Variants in ANO5 observed in about 807,000 individuals in gnomAD.
ANO5 encodes anoctamin-5.
ANO5 carries 109 observed loss-of-function variants against 121.0 expected under a neutral mutation model. That is an observed-to-expected ratio of 0.90 (90% CI 0.77 to 1.06). The LOEUF is 1.06. Among genes scored for constraint, ANO5 ranks in the 50% least tolerant of loss-of-function variants. The pLI is 0.00. For missense variants in ANO5, 1,064 were observed against 1,078.5 expected (o/e 0.99, Z 0.19); for synonymous variants, 406 against 359.9 (o/e 1.13, Z -1.45).
At chr11:22,219,800 G>A (rs1328314440) in intron 4 of ANO5, among the ~76,000 whole-genome samples, 1 of 151,546 alleles carries the variant, frequency 6.6e-6, no homozygotes, top group Middle Eastern at 3.2e-3. Flanking sequence ...GGAAATAGGA[G>A]ATGATTATGC....
In ANO5 at chr11:22,193,529, G is replaced by A; in HGVS notation, c.37G>A (p.Glu13Lys). The A allele has an allele frequency of 6.2e-7, 1 of 1,612,904 alleles. No individual in the cohort carries two copies. Among genetic ancestry groups the A allele is most frequent in the Admixed American group, 1.7e-5 (1 of 59,942 alleles). Reference sequence around the variant, plus strand: ...GGATCTCCTGGAAGTGTTGGCGGAGGAAGGTAGGACCGCGCCAAGAGGCGT... The same window carrying A: ...GGATCTCCTGGAAGTGTTGGCGGAGAAAGGTAGGACCGCGCCAAGAGGCGT... ...DPDLLEVLAE[E>K]GEKVNKHIDY... The change falls in exon 1 of 22, where the codon GAA (glutamate) becomes AAA (lysine). Residue 13 changes from glutamate to lysine, a missense_variant. By Grantham distance (56) the Glu-to-Lys change is moderately conservative (BLOSUM62 1). Coordinates refer to ENST00000324559, the MANE Select transcript of ANO5 (RefSeq NM_213599.3).
At chr11:22,199,425 T>C (rs1057186323) in intron 1 of ANO5, among the ~76,000 whole-genome samples, 3 of 152,112 alleles carry the variant, frequency 2.0e-5, no homozygotes, top group Non-Finnish European at 4.4e-5. Flanking sequence ...AGTACATTAC[T>C]ACACCATATA....
chr11:22,202,446 T>C (rs1851992756), intron 1 of ANO5, among the ~76,000 whole-genome samples: 2 of 91,050 alleles, frequency 2.2e-5, no homozygotes, highest in African/African-American at 7.4e-5. Context: ...GCTATACAAA[T>C]GGTAGATTTT....
chr11:22,204,989 A>G (rs1225989717), intron 2 of ANO5, among the ~76,000 whole-genome samples: 1 of 152,166 alleles, frequency 6.6e-6, no homozygotes, highest in South Asian at 2.1e-4. Flanking sequence ...AATGTGATAC[A>G]TATATATCAT....
In ANO5 at chr11:22,239,754, AT is replaced by A. The variant is rs539951202; in HGVS notation, c.878+78del. ...TGATTTTTATTCACAATGGCATAAT[AT>A]TTTTTTTACTACTATTTTCTCCCAC... On this transcript the variant is annotated intron_variant, in intron 9 of 21. Transcript: ENST00000324559. 5.8e-4 allele frequency: 727 copies of A among 1,250,824 alleles called. 6 individuals carry two copies. The highest frequency in any genetic ancestry group is 4.6e-3 in the South Asian group (381 of 82,444). The allele number at this position is 1,250,824 out of a possible 1,614,324, so 77.5% of individuals were successfully genotyped here. A position where few individuals can be genotyped will look rare whatever the true frequency, so the allele number is the denominator to read the frequency against.
rs1238497571 is a variant in ANO5 at position 22,259,721 on chromosome 11, C to G, written c.1610C>G (p.Ser537Cys). 6.2e-7 allele frequency: 1 copy of G among 1,613,290 alleles called. No homozygotes were observed. Residue 537 changes from serine to cysteine, a missense_variant, in exon 15 of 22, where the codon TCT becomes TGT. Transcript: ENST00000324559. ...TTGAATTTCTTTTATGAAAAGATAT[C>G]TGCCTGGATCACAAAAATGGGTAAG... is the stretch of plus-strand genomic sequence containing the variant. ...LILNFFYEKI[S>C]AWITKMEIPR...
rs1354833191 is a variant in ANO5 at position 22,279,912 on chromosome 11, T to G, written c.*147T>G. On this transcript the variant is annotated 3_prime_UTR_variant, in exon 22 of 22. Coordinates refer to ENST00000324559, the MANE Select transcript of ANO5 (RefSeq NM_213599.3). Reference sequence around the variant, plus strand: ...TTTTAAACTCAAAGTTTTTATACACTTTTATAGAGGCCAACTTTGTGATGT... The same window carrying G: ...TTTTAAACTCAAAGTTTTTATACACGTTTATAGAGGCCAACTTTGTGATGT... The G allele has an allele frequency of 4.3e-6, 3 of 701,118 alleles. No individual in the cohort carries two copies. Among genetic ancestry groups the G allele is most frequent in the African/African-American group, 3.6e-5 (2 of 55,258 alleles). The allele number at this position is 701,118 out of a possible 1,614,324, so 43.4% of individuals were successfully genotyped here. A position where few individuals can be genotyped will look rare whatever the true frequency, so the allele number is the denominator to read the frequency against.
intron 1 of ANO5, among the ~76,000 whole-genome samples, chr11:22,195,519 C>A (rs1408457676): frequency 6.6e-6 from 1 of 152,078 alleles, no homozygotes; most frequent in Non-Finnish European, 1.5e-5. Flanking sequence ...ACCTCTGACT[C>A]CCAGGCTCAA....
chr11:22,227,411 T>C lies in ANO5; in HGVS notation c.473T>C (p.Ile158Thr). 6.2e-7 allele frequency: 1 copy of C among 1,613,576 alleles called. No individual in the cohort carries two copies. Among genetic ancestry groups the C allele is most frequent in the Middle Eastern group, 1.7e-4 (1 of 6,056 alleles). ...GIKMPIKESDIPRPKHTPISY... is the reference protein window; with the variant it reads ...GIKMPIKESDTPRPKHTPISY... ...AAAATGCCTATTAAGGAGAGTGATA[T>C]TCCCCGCCCTAAGCACACTCCTATA... is the stretch of plus-strand genomic sequence containing the variant. Residue 158 changes from isoleucine (I) to threonine (T), a missense_variant, in exon 7 of 22, where the codon ATT becomes ACT. Ile to Thr is a moderately conservative substitution (Grantham distance 89). Coordinates refer to ENST00000324559, the MANE Select transcript of ANO5 (RefSeq NM_213599.3).
rs1359948928 is a variant in ANO5, at chr11:22,262,117, T to A, written c.1631-12T>A. On this transcript the variant is annotated splice_polypyrimidine_tract_variant and intron_variant, in intron 15 of 21. Transcript: ENST00000324559. ...AAGAAGATGCACTAAACATTTTTTT[T>A]TAACTTAACAGAAATTCCTCGAACA... 5.0e-6 allele frequency: 8 copies of A among 1,613,104 alleles called. No individual in the cohort carries two copies. In the South Asian group the frequency reaches 8.8e-5, roughly 18 times the overall value.
rs777622798 is a variant in ANO5, at chr11:22,279,772, T to C, written c.*7T>C. ...GGCTAAATCAACACTCTAATCAGTA[T>C]AGTGAGGAAGCAGCAGGTGATCTGC... On this transcript the variant is annotated 3_prime_UTR_variant, in exon 22 of 22. Coordinates refer to ENST00000324559, the MANE Select transcript of ANO5 (RefSeq NM_213599.3). 2 of 1,608,030 alleles carry C rather than the reference T, an allele frequency of 1.2e-6. No homozygotes were observed. The highest frequency in any genetic ancestry group is 1.1e-5 in the South Asian group (1 of 90,894).
intron 17 of ANO5, among the ~76,000 whole-genome samples, chr11:22,264,679 AC>A (rs1243280101): frequency 6.6e-6 from 1 of 152,174 alleles, no homozygotes; most frequent in Non-Finnish European, 1.5e-5. Flanking sequence ...GACAATACTA[AC>A]AACATAAGGA....
chr11:22,199,279 A>T (rs1851895511), intron 1 of ANO5, among the ~76,000 whole-genome samples: 1 of 152,194 alleles, frequency 6.6e-6, no homozygotes, highest in Non-Finnish European at 1.5e-5. Context: ...CTTACCTCCT[A>T]TATGCCAAGT....
chr11:22,227,682 A>G, intron 7 of ANO5, 96 bp downstream of exon 7: 1 of 1,473,728 alleles, frequency 6.8e-7, no homozygotes, highest in Non-Finnish European at 9.4e-7. Flanking sequence ...CATTTCTGCA[A>G]GGTGCTTCTG....
At chr11:22,204,916 A>G (rs1040463858) in intron 2 of ANO5, among the ~76,000 whole-genome samples, 54 of 152,162 alleles carry the variant, frequency 3.5e-4, no homozygotes, top group African/African-American at 1.1e-3. Flanking sequence ...TTGTAGCACT[A>G]TTCACAATAG....
chr11:22,202,104 C>G (rs1197242227), intron 1 of ANO5, among the ~76,000 whole-genome samples: 1 of 151,892 alleles, frequency 6.6e-6, no homozygotes, highest in Admixed American at 6.6e-5. Context: ...GCAAAAAACT[C>G]ATATCAAGAA....
In ANO5 at chr11:22,259,562, G is replaced by A; in HGVS notation, c.1451G>A (p.Arg484His). ...AGTATGGTAGCTGTAATTGTGTACC[G>A]CCTGTCAGTCTTTGCTACATTTGCT... ...VTSMVAVIVY[R>H]LSVFATFASF... The change falls in exon 15 of 22, where the codon CGC becomes CAC. Residue 484 changes from arginine (R) to histidine (H), a missense_variant. Transcript: ENST00000324559. 3.1e-6 allele frequency: 5 copies of A among 1,614,084 alleles called. No individual in the cohort carries two copies. The highest frequency in any genetic ancestry group is 4.2e-6 in the Non-Finnish European group (5 of 1,180,002).
chr11:22,243,105 A>G (rs207471705), intron 9 of ANO5, among the ~76,000 whole-genome samples: 2 of 151,616 alleles, frequency 1.3e-5, no homozygotes, highest in African/African-American at 4.8e-5. Context: ...GGGTTTTTTA[A>G]TCATGAATGG....
chr11:22,202,162 T>TTTTTTTTTTTTTTTTTTTTTTTTTTTTTG, intron 1 of ANO5, among the ~76,000 whole-genome samples: 3 of 151,832 alleles, frequency 2.0e-5, no homozygotes, highest in African/African-American at 7.3e-5. Context: ...ATCTGCTTTT[T>TTTTTTTTTTTTTTTTTTTTTTTTTTTTTG]AAAATAAAAT....
Sources: gnomAD v4.1 joint callset for allele counts (sites outside exome capture counted in the v4.1 genomes callset) on GRCh38, gnomAD v4.1.1 for gene constraint, MANE v1.5 for transcripts, NCBI Gene and HGNC (gene_info 2026-07-23, HGNC 2026-07-21) for gene names.